Variants in KIAA1217 observed in about 807,000 individuals in gnomAD.
The protein encoded by KIAA1217 is KIAA1217.
In KIAA1217, 88 loss-of-function variants were observed where a neutral mutation model predicts 163.9. The observed-to-expected ratio is 0.54, with a 90% CI of 0.45 to 0.64. The LOEUF (loss-of-function observed/expected upper bound fraction) is 0.64. KIAA1217 is among the 30% of genes least tolerant of loss of function. The pLI, the probability that KIAA1217 is intolerant of heterozygous loss-of-function variation, is 0.00. For synonymous variants in KIAA1217, 903 were observed against 923.1 expected, an observed-to-expected ratio of 0.98 and a Z score of 0.39; for missense variants, 2,372 against 2,475.0, an observed-to-expected ratio of 0.96 and a Z score of 0.88.
rs745318950 is a variant in KIAA1217 at position 24,531,926 on chromosome 10, C to T, written c.3179C>T (p.Ser1060Leu). The T allele has an allele frequency of 5.7e-5, 92 of 1,610,016 alleles. No homozygotes were observed. Among genetic ancestry groups the T allele is most frequent in the Admixed American group, 3.0e-4 (18 of 59,652 alleles). ...PPPRRSYLPG[S>L]GLTTTRSGDV... ...CCTCGTCGAAGCTACCTGCCAGGAT[C>T]GGGACTCACCACCACGAGGTCAGGC... Residue 1060 changes from serine (S) to leucine (L), a missense_variant, in exon 15 of 21, where the codon TCG (serine) becomes TTG (leucine). Ser to Leu is a moderately radical substitution (Grantham distance 145). Transcript: ENST00000376454.
chr10:24,497,809 G>A (rs1294701813), intron 8 of KIAA1217, among the ~76,000 whole-genome samples: 1 of 142,714 alleles, frequency 7.0e-6, no homozygotes, highest in Non-Finnish European at 1.5e-5. Flanking sequence ...TATTATAATG[G>A]ACATTGGAGA....
intron 1 of KIAA1217, among the ~76,000 whole-genome samples, chr10:23,736,982 A>G (rs1838842583): frequency 1.3e-5 from 2 of 152,190 alleles, no homozygotes; most frequent in Admixed American, 6.5e-5. Flanking sequence ...AGTGAATTCT[A>G]TTTAATTCAA....
At chr10:24,274,091 T>C (rs537624023) in intron 2 of KIAA1217, among the ~76,000 whole-genome samples, 1 of 152,304 alleles carries the variant, frequency 6.6e-6, no homozygotes, top group South Asian at 2.1e-4. Flanking sequence ...ACCAGAGTAA[T>C]GACTAATAGC....
intron 1 of KIAA1217, among the ~76,000 whole-genome samples, chr10:23,782,009 AAAC>A (rs1835280062): frequency 1.3e-5 from 2 of 152,100 alleles, no homozygotes; most frequent in Non-Finnish European, 2.9e-5. Context: ...GCAATACCCC[AAAC>A]TTTGTTTTCG....
chr10:24,278,467 G>A (rs1264591561), intron 2 of KIAA1217, among the ~76,000 whole-genome samples: 1 of 152,206 alleles, frequency 6.6e-6, no homozygotes, highest in African/African-American at 2.4e-5. Flanking sequence ...TACAGAGCTT[G>A]CAGAGTTGTG....
chr10:23,824,023 G>A (rs933430148), intron 1 of KIAA1217, among the ~76,000 whole-genome samples: 5 of 152,100 alleles, frequency 3.3e-5, no homozygotes, highest in African/African-American at 1.2e-4. Flanking sequence ...TGTAATCCCA[G>A]CACTTTGGAA....
intron 1 of KIAA1217, among the ~76,000 whole-genome samples, chr10:23,885,489 G>A (rs182971505): frequency 7.7e-4 from 117 of 152,054 alleles, no homozygotes; most frequent in African/African-American, 2.6e-3. Context: ...GAAGGACTTC[G>A]CCTGGGAGAG....
chr10:24,345,757 C>T (rs2047662581), intron 2 of KIAA1217, among the ~76,000 whole-genome samples: 1 of 151,994 alleles, frequency 6.6e-6, no homozygotes. Context: ...CTTTTTTCCC[C>T]CTTTCTCATT....
intron 1 of KIAA1217, among the ~76,000 whole-genome samples, chr10:23,973,825 A>C (rs1195057822): frequency 6.6e-6 from 1 of 152,116 alleles, no homozygotes; most frequent in Non-Finnish European, 1.5e-5. Flanking sequence ...TCAAGGAAAA[A>C]AAAATATGAC....
At chr10:24,348,984 T>C (rs993497646) in intron 2 of KIAA1217, among the ~76,000 whole-genome samples, 1 of 152,014 alleles carries the variant, frequency 6.6e-6, no homozygotes, top group Non-Finnish European at 1.5e-5. Flanking sequence ...CCCATTTTTC[T>C]ACAAAGAAAT....
At chr10:24,404,523 C>T (rs548838108) in intron 3 of KIAA1217, among the ~76,000 whole-genome samples, 4 of 130,350 alleles carry the variant, frequency 3.1e-5, no homozygotes, top group South Asian at 2.5e-4. Context: ...GCTGAGATCA[C>T]ACCACTGCAC....
chr10:24,053,487 C>G (rs1003697585), intron 2 of KIAA1217, among the ~76,000 whole-genome samples: 1 of 151,966 alleles, frequency 6.6e-6, no homozygotes, highest in African/African-American at 2.4e-5. Context: ...AGCTAATAAA[C>G]TTAAGTAGTT....
At chr10:23,749,381 A>T (rs1175853047) in intron 1 of KIAA1217, among the ~76,000 whole-genome samples, 1 of 149,572 alleles carries the variant, frequency 6.7e-6, no homozygotes, top group Non-Finnish European at 1.5e-5. Context: ...ATCTTTACCC[A>T]TTTCTAAATG....
chr10:24,487,103 C>T (rs1333966930), intron 6 of KIAA1217, among the ~76,000 whole-genome samples: 1 of 152,272 alleles, frequency 6.6e-6, no homozygotes, highest in African/African-American at 2.4e-5. Context: ...GAACCCTGCT[C>T]AGAACACTGC....
intron 2 of KIAA1217, among the ~76,000 whole-genome samples, chr10:24,121,150 C>T (rs2063267518): frequency 6.6e-6 from 1 of 152,148 alleles, no homozygotes; most frequent in African/African-American, 2.4e-5. Flanking sequence ...GTGGGTTGTC[C>T]AGGCTCCCTT....
At position 24,543,323 on chromosome 10, in the gene KIAA1217, A is replaced by T. The variant is rs776086814; in HGVS notation, c.4053A>T (p.Arg1351Ser). 8.1e-6 allele frequency: 13 copies of T among 1,613,976 alleles called. No homozygotes were observed. Among genetic ancestry groups the T allele is most frequent in the African/African-American group, 1.3e-5 (1 of 74,886 alleles). The change falls in exon 19 of 21, where the codon AGA becomes AGT. Residue 1351 changes from arginine (R) to serine (S), a missense_variant. Coordinates refer to ENST00000376454, the MANE Select transcript of KIAA1217 (RefSeq NM_019590.5). ...ITTDFGQVVL[R>S]PKEARHANVN... ...CAGATTTTGGCCAAGTTGTTCTAAG[A>T]CCCAAGGAGGCAAGGCATGCTAACG...
chr10:24,123,179 T>A (rs2063347944), intron 2 of KIAA1217, among the ~76,000 whole-genome samples: 1 of 151,688 alleles, frequency 6.6e-6, no homozygotes, highest in African/African-American at 2.4e-5. Flanking sequence ...GGCATATTCA[T>A]GTCTGTATGT....
chr10:23,943,247 G>A (rs191859447), intron 1 of KIAA1217, among the ~76,000 whole-genome samples: 17 of 152,224 alleles, frequency 1.1e-4, no homozygotes, highest in Non-Finnish European at 1.8e-4. Flanking sequence ...TGTTTATTTC[G>A]AAAATCCTAA....
intron 1 of KIAA1217, among the ~76,000 whole-genome samples, chr10:23,850,198 G>C (rs1017194902): frequency 4.6e-5 from 7 of 152,084 alleles, no homozygotes; most frequent in African/African-American, 1.7e-4. Flanking sequence ...GCCTCTGAAA[G>C]AAACAGAATA....
Sources: gnomAD v4.1 joint callset for allele counts (sites outside exome capture counted in the v4.1 genomes callset) on GRCh38, gnomAD v4.1.1 for gene constraint, MANE v1.5 for transcripts, NCBI Gene and HGNC (gene_info 2026-07-23, HGNC 2026-07-21) for gene names.